Variants in FAM204A observed in about 807,000 individuals in gnomAD.
FAM204A encodes the protein protein FAM204A.
A neutral mutation model predicts 35.4 loss-of-function variants in FAM204A; 16 were observed. That is an observed-to-expected ratio of 0.45 (90% CI 0.31 to 0.69). The LOEUF is 0.69. FAM204A is among the 30% of genes least tolerant of loss of function. The pLI is 0.07. For synonymous variants in FAM204A, 76 were observed against 86.9 expected (o/e 0.88, Z 0.70); for missense variants, 240 against 265.7 (o/e 0.90, Z 0.67).
chr10:118,316,743 ATAT>A (rs1846037618), intron 7 of FAM204A, among the ~76,000 whole-genome samples: 3 of 152,096 alleles, frequency 2.0e-5, no homozygotes. Flanking sequence ...TATCATTCAT[ATAT>A]GTGTGTATAT....
chr10:118,311,366 C>T, intron 7 of FAM204A, 53 bp from the exon 8 acceptor site: 1 of 1,346,008 alleles, frequency 7.4e-7, no homozygotes, highest in Non-Finnish European at 1.0e-6. Flanking sequence ...CCAGCTAATA[C>T]AGTAATTACA....
chr10:118,337,208 T>C, intron 2 of FAM204A: 2 of 982,426 alleles, frequency 2.0e-6, no homozygotes, highest in Non-Finnish European at 1.2e-6. Flanking sequence ...GCTAAAAGTA[T>C]AATACTCAAG....
chr10:118,313,338 T>C (rs190281740), intron 7 of FAM204A, among the ~76,000 whole-genome samples: 84 of 152,274 alleles, frequency 5.5e-4, no homozygotes, highest in South Asian at 1.0e-3. Flanking sequence ...TTCAGGACTA[T>C]TATGGCAGAA....
At position 118,299,165 on chromosome 10, in the gene FAM204A, T is replaced by G. The variant is rs1479666652; in HGVS notation, c.*11692A>C. Reference sequence around the variant, plus strand: ...CTGTCTGCCTGATTCTTGAGTATGCTAATGCCTACACTTTCATCTTCTCAG... The same window carrying G: ...CTGTCTGCCTGATTCTTGAGTATGCGAATGCCTACACTTTCATCTTCTCAG... On this transcript the variant is annotated 3_prime_UTR_variant, in exon 9 of 9. Transcript: ENST00000369183. 1 of 152,210 alleles carries G rather than the reference T, an allele frequency of 6.6e-6. No individual in the cohort carries two copies. Among genetic ancestry groups the G allele is most frequent in the African/African-American group, 2.4e-5 (1 of 41,436 alleles). The allele number at this position is 152,210 out of a possible 1,614,324, so 9.4% of individuals were successfully genotyped here.
At chr10:118,333,781 T>C (rs570221300) in intron 6 of FAM204A, among the ~76,000 whole-genome samples, 1 of 152,296 alleles carries the variant, frequency 6.6e-6, no homozygotes, top group Admixed American at 6.5e-5. Flanking sequence ...TATGGATGAA[T>C]ATAAATTACA....
chr10:118,331,486 G>A (rs550533717), intron 6 of FAM204A, among the ~76,000 whole-genome samples: 9 of 152,278 alleles, frequency 5.9e-5, no homozygotes, highest in Middle Eastern at 6.8e-3. Context: ...TAATATAGAT[G>A]TCAAGAAGAC....
At chr10:118,313,355 C>T (rs949214362) in intron 7 of FAM204A, among the ~76,000 whole-genome samples, 2 of 152,164 alleles carry the variant, frequency 1.3e-5, no homozygotes, top group East Asian at 1.9e-4. Flanking sequence ...AGAACAAGAG[C>T]GGGAGGGCCT....
rs116237604 is a variant in FAM204A at position 118,313,983 on chromosome 10, T to C, written c.544-2670A>G. On this transcript the variant is annotated intron_variant, in intron 7 of 8. Coordinates refer to ENST00000369183, the MANE Select transcript of FAM204A (RefSeq NM_022063.3). The stretch of plus-strand genomic sequence containing the variant: ...CTTCAATAGACTCTTCACCTCGACA[T>C]GTCATGTACTCTAAGAATGTAAAAG... Among the ~76,000 whole-genome samples, 636 of 152,288 alleles carry C rather than the reference T, an allele frequency of 4.2e-3. 3 individuals are homozygous for C. The highest frequency in any genetic ancestry group is 0.015 in the African/African-American group (607 of 41,566).
chr10:118,329,492 T>C (rs1229940951), intron 6 of FAM204A, among the ~76,000 whole-genome samples: 2 of 152,168 alleles, frequency 1.3e-5, no homozygotes, highest in Non-Finnish European at 2.9e-5. Flanking sequence ...AAAATATTAA[T>C]CATCCCTTTA....
Position 118,335,174 on chromosome 10 carries a change from A to G in FAM204A, c.393T>C (p.Thr131=), listed in dbSNP as rs1430222902. The G allele has an allele frequency of 6.2e-7, 1 of 1,613,398 alleles. No homozygotes were observed. Among genetic ancestry groups the G allele is most frequent in the Admixed American group, 1.7e-5 (1 of 59,906 alleles). The change falls in exon 6 of 9, where the codon ACT becomes ACC. Residue 131 remains threonine, a synonymous_variant. Transcript: ENST00000369183. ...ATCTATCATTGACTCCAAAATACTG[A>G]GTAAGCTCTTTCCACTGGGTTTCAT... The part of the protein sequence containing the change: ...SSNETQWKEL[T]QYFGVNDRFD...
intron 7 of FAM204A, among the ~76,000 whole-genome samples, chr10:118,320,879 C>T (rs1224248402): frequency 9.3e-5 from 13 of 140,186 alleles, no homozygotes; most frequent in Non-Finnish European, 9.6e-5. Context: ...TTTGGAATAC[C>T]GTTTTGTGTG....
intron 2 of FAM204A, among the ~76,000 whole-genome samples, 167 bp from the exon 3 acceptor site, chr10:118,336,590 A>G (rs543449616): frequency 1.2e-4 from 19 of 152,122 alleles, no homozygotes; most frequent in Non-Finnish European, 2.6e-4. Context: ...CTGTTATAAA[A>G]TAATTAAAAT....
chr10:118,311,237 G>C lies in FAM204A; in HGVS notation c.620C>G (p.Ala207Gly). The C allele has an allele frequency of 2.5e-6, 4 of 1,610,846 alleles. No individual in the cohort carries two copies. The highest frequency in any genetic ancestry group is 3.4e-6 in the Non-Finnish European group (4 of 1,179,370). The change falls in exon 8 of 9, where the codon GCT becomes GGT. Residue 207 changes from alanine (A) to glycine (G), a missense_variant. Physicochemically the swap from Ala to Gly is moderately conservative, Grantham distance 60. This residue lies in a region of FAM204A where 232 missense variants were observed against 242.8 expected (regional missense o/e 0.96). Transcript: ENST00000369183. The stretch of plus-strand genomic sequence containing the variant: ...TGCAAGTTTCTTCTTTTTTCGGGCA[G>C]CCTGTGAATTTTCAACCTCCTTTTT... ...KAKKEVENSQ[A>G]ARKKKKLAWG...
Position 118,309,079 on chromosome 10 carries a change from A to G in FAM204A, c.*1778T>C, listed in dbSNP as rs1564752222. 6.6e-6 allele frequency: 1 copy of G among 152,224 alleles called. No individual in the cohort carries two copies. The allele number at this position is 152,224 out of a possible 1,614,324, so 9.4% of individuals were successfully genotyped here. A position where few individuals can be genotyped will look rare whatever the true frequency, so the allele number is the denominator to read the frequency against. On this transcript the variant is annotated 3_prime_UTR_variant, in exon 9 of 9. Coordinates refer to ENST00000369183, the MANE Select transcript of FAM204A (RefSeq NM_022063.3). ...GTTTCTATACTAAAAGTCTGTATTTACCTAATTTAGCAGTTTGAAATGAAT... is the reference window on the plus strand; with the variant it reads ...GTTTCTATACTAAAAGTCTGTATTTGCCTAATTTAGCAGTTTGAAATGAAT...
chr10:118,326,133 T>C (rs1238953987), intron 7 of FAM204A, 21 bp downstream of exon 7: 3 of 1,582,126 alleles, frequency 1.9e-6, no homozygotes, highest in South Asian at 1.2e-5. Context: ...ATACAGAAAA[T>C]GTGTAACCCT....
chr10:118,326,079 AATG>A lies in FAM204A; in HGVS notation c.543+72_543+74del. 6 of 1,116,972 alleles carry A rather than the reference AATG, an allele frequency of 5.4e-6. No individual in the cohort carries two copies. The South Asian group carries it at 8.2e-5, about 15-fold the overall frequency. 69.2% of individuals were successfully genotyped at this position (1,116,972 alleles called of 1,614,324 possible). A position where few individuals can be genotyped will look rare whatever the true frequency, so the allele number is the denominator to read the frequency against. On this transcript the variant is annotated intron_variant, in intron 7 of 8. Coordinates refer to ENST00000369183, the MANE Select transcript of FAM204A (RefSeq NM_022063.3). The stretch of plus-strand genomic sequence containing the variant: ...GAAATATTTTAATACTGAACTTATT[AATG>A]ATCATAAAAAGAATACAAATTTATT...
Position 118,304,455 on chromosome 10 carries a change from T to C in FAM204A, c.*6402A>G, listed in dbSNP as rs1319029520. 1 of 152,296 alleles carries C rather than the reference T, an allele frequency of 6.6e-6. No individual in the cohort carries two copies. Among genetic ancestry groups the C allele is most frequent in the Non-Finnish European group, 1.5e-5 (1 of 68,062 alleles). The allele number at this position is 152,296 out of a possible 1,614,324, so 9.4% of individuals were successfully genotyped here. ...AACTCTTCCCCGCACAAGTCCAATC[T>C]CCCCAGCATCTCTCAAAGTTGTGTG... On this transcript the variant is annotated 3_prime_UTR_variant, in exon 9 of 9. Transcript: ENST00000369183.
In FAM204A at chr10:118,306,809, C is replaced by T. The variant is rs1291683607; in HGVS notation, c.*4048G>A. 4 of 152,206 alleles carry T rather than the reference C, an allele frequency of 2.6e-5. No homozygotes were observed. The highest frequency in any genetic ancestry group is 9.6e-5 in the African/African-American group (4 of 41,462). The allele number at this position is 152,206 out of a possible 1,614,324, so 9.4% of individuals were successfully genotyped here. On this transcript the variant is annotated 3_prime_UTR_variant, in exon 9 of 9. Transcript: ENST00000369183. ...CTCCATTGGCCACATGCTGTCATGT[C>T]CTTTACTGAAGGCAAGAATCCCTTC...
Position 118,306,350 on chromosome 10 carries a change from C to T in FAM204A, c.*4507G>A, listed in dbSNP as rs1183693130. 6.6e-6 allele frequency: 1 copy of T among 152,180 alleles called. No homozygotes were observed. Among genetic ancestry groups the T allele is most frequent in the Non-Finnish European group, 1.5e-5 (1 of 68,024 alleles). 9.4% of individuals were successfully genotyped at this position (152,180 alleles called of 1,614,324 possible). A position where few individuals can be genotyped will look rare whatever the true frequency, so the allele number is the denominator to read the frequency against. ...CTACCCTCCCTTCCCCTTTCATTCC[C>T]TTGTATTCTGCTTCCTTGAGAAACC... On this transcript the variant is annotated 3_prime_UTR_variant, in exon 9 of 9. Coordinates refer to ENST00000369183, the MANE Select transcript of FAM204A (RefSeq NM_022063.3).
Sources: allele counts gnomAD v4.1 joint callset (sites outside exome capture counted in the v4.1 genomes callset), GRCh38; gene constraint gnomAD v4.1.1; regional missense constraint gnomAD v4.1.1; transcripts MANE v1.5; gene names NCBI Gene and HGNC (gene_info 2026-07-23, HGNC 2026-07-21).